Variants in TPRG1 observed in about 807,000 individuals in gnomAD.
TPRG1 encodes the protein tumor protein p63 regulated 1.
Under a neutral mutation model 29.3 loss-of-function variants are expected in TPRG1, and 29 were observed. That is an observed-to-expected ratio of 0.99 (90% confidence interval 0.74 to 1.35). The LOEUF (loss-of-function observed/expected upper bound fraction) is 1.35. Among genes scored for constraint, TPRG1 ranks in the 40% most tolerant of loss-of-function variants. The pLI is 0.00. For synonymous variants in TPRG1, 130 were observed against 116.8 expected (o/e 1.11, Z -0.73); for missense variants, 327 against 335.0 (o/e 0.98, Z 0.19).
At position 189,166,522 on chromosome 3, in the gene TPRG1, C is replaced by T. The variant is rs1728186412; in HGVS notation, c.-10+15650C>T. 1.3e-5 allele frequency among the ~76,000 whole-genome samples: 2 copies of T among 152,268 alleles called. 1 individual carries two copies. The highest frequency in any genetic ancestry group is 4.1e-4 in the South Asian group (2 of 4,822). On this transcript the variant is annotated intron_variant, in intron 5 of 6. Coordinates refer to the TPRG1 transcript ENST00000412373. ...AAACTTGCATAAGGGTATACTTGAC[C>T]GAGCACACCCAGGGAGTTAGTCAAC...
chr3:189,167,925 G>A (rs1207093480), upstream of TPRG1, among the ~76,000 whole-genome samples: 1 of 152,180 alleles, frequency 6.6e-6, no homozygotes, highest in Non-Finnish European at 1.5e-5. Flanking sequence ...TCCTCTGAAG[G>A]TCACATTGCT....
intron 2 of TPRG1, among the ~76,000 whole-genome samples, chr3:189,128,343 G>A (rs1722726753): frequency 1.3e-5 from 2 of 152,112 alleles, no homozygotes; most frequent in Admixed American, 1.3e-4. Flanking sequence ...TCAAGAAAGG[G>A]ACAGAGTATT....
At chr3:189,027,993 G>T (rs1578210500) in intron 4 of TPRG1, among the ~76,000 whole-genome samples, 1 of 152,054 alleles carries the variant, frequency 6.6e-6, no homozygotes, top group East Asian at 1.9e-4. Flanking sequence ...AACTTACAGT[G>T]TGCCATGTCC....
chr3:189,086,596 C>T (rs1336152774), intron 4 of TPRG1, among the ~76,000 whole-genome samples: 4 of 146,988 alleles, frequency 2.7e-5, no homozygotes, highest in Admixed American at 2.1e-4. Context: ...GTCGTGATCT[C>T]GGCTCACCAC....
chr3:189,285,457 TAAAAC>T (rs1442000720), intron 4 of TPRG1, among the ~76,000 whole-genome samples: 7 of 152,148 alleles, frequency 4.6e-5, no homozygotes, highest in Admixed American at 3.9e-4. Flanking sequence ...ATCACACACA[TAAAAC>T]AAAGTGTTCA....
At chr3:189,233,228 T>C (rs770189743) in intron 3 of TPRG1, among the ~76,000 whole-genome samples, 28 of 151,728 alleles carry the variant, frequency 1.8e-4, no homozygotes, top group Non-Finnish European at 3.2e-4. Context: ...CAGAGAATAA[T>C]ATTAAAATAA....
At chr3:189,024,101 C>A (rs191401296) in intron 4 of TPRG1, among the ~76,000 whole-genome samples, 8 of 152,342 alleles carry the variant, frequency 5.3e-5, no homozygotes, top group African/African-American at 1.9e-4. Flanking sequence ...CCAGCTGAAA[C>A]GTCTAAACAG....
chr3:189,260,167 G>T (rs1286891625), intron 4 of TPRG1, among the ~76,000 whole-genome samples: 1 of 152,152 alleles, frequency 6.6e-6, no homozygotes, highest in Non-Finnish European at 1.5e-5. Context: ...GAGGAGGGGA[G>T]GGTTGGATAA....
chr3:189,250,118 C>A (rs1201508246), intron 4 of TPRG1, among the ~76,000 whole-genome samples: 1 of 152,092 alleles, frequency 6.6e-6, no homozygotes, highest in Admixed American at 6.6e-5. Context: ...TGATGTAATT[C>A]CAGCCTTCCT....
intron 4 of TPRG1, among the ~76,000 whole-genome samples, chr3:189,279,387 C>T (rs139197396): frequency 3.3e-5 from 5 of 152,200 alleles, no homozygotes; most frequent in East Asian, 3.9e-4. Context: ...CTCTAATATA[C>T]GTTATGACAT....
intron 4 of TPRG1, among the ~76,000 whole-genome samples, chr3:189,245,502 T>C (rs1411745234): frequency 2.0e-5 from 3 of 152,116 alleles, no homozygotes; most frequent in Non-Finnish European, 4.4e-5. Flanking sequence ...TTCCAAATAT[T>C]TCAGGTTTTT....
At chr3:189,007,157 G>A (rs6793023) in intron 3 of TPRG1, among the ~76,000 whole-genome samples, 1,903 of 151,824 alleles carry the variant, frequency 0.013, 39 homozygotes, top group African/African-American at 0.044. Flanking sequence ...TCTGACAAAG[G>A]GCTAATATCC....
intron 4 of TPRG1, among the ~76,000 whole-genome samples, chr3:189,069,368 G>A (rs1003813712): frequency 1.5e-4 from 23 of 152,176 alleles, no homozygotes; most frequent in Non-Finnish European, 3.2e-4. Context: ...CCAGACGACA[G>A]TGAGTACAGC....
intron 4 of TPRG1, among the ~76,000 whole-genome samples, chr3:189,288,513 C>T (rs976234672): frequency 1.3e-5 from 2 of 152,190 alleles, no homozygotes; most frequent in African/African-American, 4.8e-5. Flanking sequence ...GATCATAAAC[C>T]AGTAACTGAA....
rs189964736 is a variant in TPRG1 at position 189,281,995 on chromosome 3, C to T, written c.480-28391C>T. On this transcript the variant is annotated intron_variant, in intron 4 of 5. Coordinates refer to ENST00000345063, the MANE Select transcript of TPRG1 (RefSeq NM_198485.4). ...TCCCAGGCTCAAGCAATTCTCATGC[C>T]TCAGCTTCCTGAGTAGCTGGGACTA... Among the ~76,000 whole-genome samples the T allele has an allele frequency of 4.5e-3, 682 of 152,150 alleles. 3 individuals are homozygous for T. Among genetic ancestry groups the T allele is most frequent in the Middle Eastern group, 0.017 (5 of 292 alleles).
chr3:189,111,927 C>T (rs1021202174), intron 1 of TPRG1, among the ~76,000 whole-genome samples: 2 of 152,072 alleles, frequency 1.3e-5, no homozygotes, highest in Non-Finnish European at 1.5e-5. Flanking sequence ...TTGATATTAT[C>T]GTAACTCTTC....
Position 189,321,404 on chromosome 3 carries a change from C to T in TPRG1, c.*584C>T, listed in dbSNP as rs577566566. ...GTGGTATTTATATGGTCCCAGTTATCCATCCCTGAAGTCTGTCAATTTTGA... is the reference window on the plus strand; with the variant it reads ...GTGGTATTTATATGGTCCCAGTTATTCATCCCTGAAGTCTGTCAATTTTGA... On this transcript the variant is annotated 3_prime_UTR_variant, in exon 6 of 6. Transcript: ENST00000345063. 6.6e-6 allele frequency: 1 copy of T among 152,044 alleles called. No individual in the cohort carries two copies. Among genetic ancestry groups the T allele is most frequent in the East Asian group, 1.9e-4 (1 of 5,196 alleles). The allele number at this position is 152,044 out of a possible 1,614,324, so 9.4% of individuals were successfully genotyped here.
At chr3:189,137,302 G>A (rs977763504) in intron 3 of TPRG1, among the ~76,000 whole-genome samples, 1 of 64,816 alleles carries the variant, frequency 1.5e-5, no homozygotes, top group African/African-American at 1.5e-4. Flanking sequence ...CAAAATGTGT[G>A]TGTGTGTGTG....
upstream of TPRG1, among the ~76,000 whole-genome samples, chr3:189,167,382 G>A (rs1728290829): frequency 6.6e-6 from 1 of 152,200 alleles, no homozygotes; most frequent in Admixed American, 6.5e-5. Flanking sequence ...TCAAAGTGAA[G>A]CTCTGCCTTA....
Sources: allele counts gnomAD v4.1 joint callset (sites outside exome capture counted in the v4.1 genomes callset), GRCh38; gene constraint gnomAD v4.1.1; transcripts MANE v1.5; gene names NCBI Gene and HGNC (gene_info 2026-07-23, HGNC 2026-07-21).